Variants in C3 observed in about 807,000 individuals in gnomAD.
C3 encodes complement C3.
A neutral mutation model predicts 207.9 loss-of-function variants in C3; 97 were observed. The observed-to-expected ratio is 0.47, with a 90% CI of 0.40 to 0.55. The LOEUF (loss-of-function observed/expected upper bound fraction) is 0.55, where lower values mean the gene tolerates loss of function less well. Among genes scored for constraint, C3 ranks in the 20% least tolerant of loss-of-function variants. The probability of loss-of-function intolerance (pLI) is 0.00; values close to 1 mark genes in which losing one functional copy is unlikely to be tolerated. For missense variants in C3, 1,684 were observed against 2,171.7 expected (o/e 0.78, Z 4.46); for synonymous variants, 848 against 857.6 (o/e 0.99, Z 0.20).
Position 6,714,214 on chromosome 19 carries a change from T to C in C3, c.634A>G (p.Asn212Asp). 1 of 1,613,658 alleles carries C rather than the reference T, an allele frequency of 6.2e-7. No individual in the cohort carries two copies. Among genetic ancestry groups the C allele is most frequent in the Non-Finnish European group, 8.5e-7 (1 of 1,179,944 alleles). Residue 212 changes from asparagine to aspartate, a missense_variant, in exon 6 of 41, where the codon AAC becomes GAC. This residue lies in a region of C3 where 1,280 missense variants were observed against 1,739.1 expected (regional missense o/e 0.74). Transcript: ENST00000245907. ...GTGGAGAAGACCTGCTGTGGTGAGT[T>C]TTCATAGTAGGCTCGGATCTTCCAC... ...GQWKIRAYYE[N>D]SPQQVFSTEF...
chr19:6,717,778 T>G, intron 4 of C3: 1 of 511,952 alleles, frequency 2.0e-6, no homozygotes, highest in Non-Finnish European at 3.6e-6. Context: ...GCTGTGTGTA[T>G]TGTGTTGTGT....
chr19:6,689,320 T>C (rs867967857), intron 27 of C3, among the ~76,000 whole-genome samples: 15 of 72,384 alleles, frequency 2.1e-4, no homozygotes, highest in African/African-American at 7.1e-4. Context: ...TCTCTCTCTC[T>C]CTACCTACCT....
chr19:6,695,962 C>T (rs1967522614), intron 23 of C3, among the ~76,000 whole-genome samples: 1 of 152,018 alleles, frequency 6.6e-6, no homozygotes, highest in Non-Finnish European at 1.5e-5. Context: ...GTAATCCCAG[C>T]ACTTTGGGAG....
rs781331638 is a variant in C3, at chr19:6,692,904, C to T, written c.3390+20G>A. 4.3e-6 allele frequency: 7 copies of T among 1,613,322 alleles called. No individual in the cohort carries two copies. In the East Asian group the frequency reaches 1.3e-4, roughly 31 times the overall value. On this transcript the variant is annotated intron_variant, in intron 26 of 40. Transcript: ENST00000245907. ...CAGGAGCCCCTCTCTTCCATTTTGC[C>T]CTAAATCCCAGCCTCTTACAATCAT...
Position 6,677,876 on chromosome 19 carries a change from G to T in C3, c.*6C>A, listed in dbSNP as rs759368543. The T allele has an allele frequency of 9.9e-6, 16 of 1,613,978 alleles. 1 individual carries two copies. The East Asian group carries it at 3.1e-4, about 31-fold the overall frequency. ...CTTTATCTGGAGTGGGGGAATGGGG[G>T]TGTGGTCAGTTGGGGCACCCAAAGA... is the stretch of plus-strand genomic sequence containing the variant. On this transcript the variant is annotated 3_prime_UTR_variant, in exon 41 of 41. Transcript: ENST00000245907.
rs1917957908 is a variant in C3, at chr19:6,684,810, C to T, written c.3994G>A (p.Val1332Ile). The change falls in exon 31 of 41, where the codon GTC becomes ATC. Residue 1332 changes from valine (V) to isoleucine (I), a missense_variant. Physicochemically the swap from Val to Ile is conservative, Grantham distance 29. Transcript: ENST00000245907. ...EETKENEGFT[V>I]TAEGKGQGTL... ...CCTTGGCCTTTTCCTTCAGCTGTGA[C>T]TGTGAAACCCTCATTTTCCTTGGTC... The T allele has an allele frequency of 6.2e-7, 1 of 1,614,084 alleles. No individual in the cohort carries two copies. Among genetic ancestry groups the T allele is most frequent in the Admixed American group, 1.7e-5 (1 of 60,010 alleles).
rs1568213498 is a variant in C3, at chr19:6,689,347, C to CT, written c.3489+1281_3489+1282insA. Reference sequence around the variant, plus strand: ...TACCTACCTCCCTCCCTCCCTCCCTCCCTCCCTCCCTCCCTCTCTCTCTCT... The same window carrying CT: ...TACCTACCTCCCTCCCTCCCTCCCTCTCCTCCCTCCCTCCCTCTCTCTCTCT... On this transcript the variant is annotated intron_variant, in intron 27 of 40. Transcript: ENST00000245907. Among the ~76,000 whole-genome samples, 11 of 62,026 alleles carry CT rather than the reference C, an allele frequency of 1.8e-4. No homozygotes were observed. In the South Asian group the frequency reaches 2.7e-3, roughly 15 times the overall value. The allele number at this position is 62,026 out of a possible 152,430, so 40.7% of individuals were successfully genotyped here.
intron 26 of C3, among the ~76,000 whole-genome samples, chr19:6,691,403 A>G (rs1249907892): frequency 6.6e-6 from 1 of 152,114 alleles, no homozygotes; most frequent in Non-Finnish European, 1.5e-5. Flanking sequence ...GAAAGAGGAC[A>G]TCGCAGCGAT....
chr19:6,720,600 C>T lies in C3; in HGVS notation c.-11G>A. On this transcript the variant is annotated 5_prime_UTR_variant, in exon 1 of 41. Transcript: ENST00000245907. ...TGAGGTGGGTCCCATGGTGCTGGGA[C>T]AGTGCAGGGTCAGAGGGACAGAGGG... 6.4e-7 allele frequency: 1 copy of T among 1,571,066 alleles called. No individual in the cohort carries two copies. The highest frequency in any genetic ancestry group is 8.6e-7 in the Non-Finnish European group (1 of 1,156,894).
In C3 at chr19:6,712,587, G is replaced by C; in HGVS notation, c.1040C>G (p.Pro347Arg). ...GATCTGGTAGGGAGAGGTCACGATG[G>C]GGATCCCGCTGCGCTCTGCCTGCAC... ...DMVQAERSGI[P>R]IVTSPYQIHF... Residue 347 changes from proline to arginine, a missense_variant, in exon 10 of 41, where the codon CCC becomes CGC. Around this residue, in one of 3 missense-constraint regions of C3, gnomAD observed 1,280 missense variants for 1,739.1 expected, o/e 0.74. Coordinates refer to ENST00000245907, the MANE Select transcript of C3 (RefSeq NM_000064.4). 1 of 1,614,130 alleles carries C rather than the reference G, an allele frequency of 6.2e-7. No individual in the cohort carries two copies. The highest frequency in any genetic ancestry group is 8.5e-7 in the Non-Finnish European group (1 of 1,179,996).
At chr19:6,710,024 G>GGAGGGAGAGAGAGGGAGA (rs1568224497) in intron 13 of C3, among the ~76,000 whole-genome samples, 182 bp from the exon 14 acceptor site, 2 of 129,928 alleles carry the variant, frequency 1.5e-5, no homozygotes, top group Non-Finnish European at 3.3e-5. Flanking sequence ...AGGGAGAGAG[G>GGAGGGAGAGAGAGGGAGA]GCGGGAGAGA....
Position 6,719,698 on chromosome 19 carries a change from A to G in C3, c.75-295T>C, listed in dbSNP as rs1051418638. On this transcript the variant is annotated intron_variant, in intron 1 of 40. Transcript: ENST00000245907. This position sits in a 1 kb window ranked among gnomAD's most constrained non-coding sequence, Gnocchi z 5.4. The stretch of plus-strand genomic sequence containing the variant: ...CCACCAAACCCTGAACCTTCCAACC[A>G]GCGTCAGCAACTCCTCCAAGTCTCT... Among the ~76,000 whole-genome samples the G allele has an allele frequency of 6.6e-6, 1 of 152,068 alleles. No individual in the cohort carries two copies. The highest frequency in any genetic ancestry group is 1.5e-5 in the Non-Finnish European group (1 of 67,996).
chr19:6,710,592 G>A, intron 13 of C3, 47 bp downstream of exon 13: 3 of 1,336,628 alleles, frequency 2.2e-6, no homozygotes, highest in Non-Finnish European at 3.2e-6. Flanking sequence ...GAGAGAGAGA[G>A]GAGTAGGGAG....
At position 6,678,392 on chromosome 19, in the gene C3, A is replaced by G. The variant is rs764593615; in HGVS notation, c.4694T>C (p.Ile1565Thr). Residue 1565 changes from isoleucine (I) to threonine (T), a missense_variant, in exon 39 of 41, where the codon ATT becomes ACT. By Grantham distance (89) the Ile-to-Thr change is moderately conservative. Around this residue, in one of 3 missense-constraint regions of C3, gnomAD observed 346 missense variants for 380.1 expected, o/e 0.91. Transcript: ENST00000245907. ...CTGACCTGACTTGATGGTCTGCTCA[A>G]TGGCCATGATGTACTCGTCAAAGTC... The part of the protein sequence containing the change: ...SNDFDEYIMA[I>T]EQTIKSGSDE... 52 of 1,614,012 alleles carry G rather than the reference A, an allele frequency of 3.2e-5. No individual in the cohort carries two copies. The highest frequency in any genetic ancestry group is 2.2e-5 in the East Asian group (1 of 44,884).
rs766007183 is a variant in C3 at position 6,710,999 on chromosome 19, G to A, written c.1467C>T (p.Tyr489=). 6 of 1,614,010 alleles carry A rather than the reference G, an allele frequency of 3.7e-6. No homozygotes were observed. The Admixed American group carries it at 8.3e-5, about 22-fold the overall frequency. Reference sequence around the variant, plus strand: ...GGTGGCCACGGACCAGGTAGGTGTAGTAGCGGATCTTGGCCTCGTGGGCGC... The same window carrying A: ...GGTGGCCACGGACCAGGTAGGTGTAATAGCGGATCTTGGCCTCGTGGGCGC... The part of the protein sequence containing the change: ...MDRAHEAKIR[Y]YTYLIMNKGR... Residue 489 remains tyrosine, a synonymous_variant, in exon 12 of 41, where the codon TAC becomes TAT. Coordinates refer to ENST00000245907, the MANE Select transcript of C3 (RefSeq NM_000064.4).
At chr19:6,717,473 G>A (rs1185497218) in intron 4 of C3, 1 of 200,550 alleles carries the variant, frequency 5.0e-6, no homozygotes, top group Non-Finnish European at 1.0e-5. Context: ...GTTGGGTTGT[G>A]TGTTGTGTGT....
At position 6,697,392 on chromosome 19, in the gene C3, G is replaced by A; in HGVS notation, c.2748C>T (p.Val916=). The A allele has an allele frequency of 6.2e-7, 1 of 1,614,108 alleles. No individual in the cohort carries two copies. The highest frequency in any genetic ancestry group is 1.1e-5 in the South Asian group (1 of 91,078). Residue 916 remains valine (V), a synonymous_variant, in exon 21 of 41, where the codon GTC becomes GTT. Transcript: ENST00000245907. ...CACCGTCACTGATGAAATGATGGTA[G>A]ACAGCAGCCTTGACTTCCACTTCCT... ...GLQEVEVKAA[V]YHHFISDGVR...
chr19:6,710,296 GGA>G (rs1348287237), intron 13 of C3, among the ~76,000 whole-genome samples: 2 of 139,572 alleles, frequency 1.4e-5, no homozygotes, highest in African/African-American at 5.4e-5. Context: ...GAAAGAGAGG[GGA>G]GAGAGAGGGA....
Position 6,710,710 on chromosome 19 carries a change from C to T in C3, c.1615G>A (p.Gly539Ser), listed in dbSNP as rs747427373. ...FRLVAYYTLI[G>S]ASGQREVVAD... ...ACCACCTCCCTCTGGCCGCTGGCAC[C>T]GATCAGCGTGTAGTACGCCACCAGG... The change falls in exon 13 of 41, where the codon GGT becomes AGT. Residue 539 changes from glycine to serine, a missense_variant. By Grantham distance (56) the Gly-to-Ser change is moderately conservative. Transcript: ENST00000245907. 3.7e-6 allele frequency: 6 copies of T among 1,613,614 alleles called. No homozygotes were observed. Among genetic ancestry groups the T allele is most frequent in the African/African-American group, 1.3e-5 (1 of 74,938 alleles).
Sources: allele counts gnomAD v4.1 joint callset (sites outside exome capture counted in the v4.1 genomes callset), GRCh38; gene constraint gnomAD v4.1.1; regional missense constraint gnomAD v4.1.1; non-coding constraint Gnocchi (gnomAD v3.1); transcripts MANE v1.5; gene names NCBI Gene and HGNC (gene_info 2026-07-23, HGNC 2026-07-21).